The following SUGP1 variants were observed in gnomAD, a reference collection of about 807,000 sequenced individuals.
The protein encoded by SUGP1 is SURP and G-patch domain containing 1.
Under a neutral mutation model 76.5 loss-of-function variants are expected in SUGP1, and 34 were observed. The ratio of observed to expected loss-of-function variants is 0.44; its 90% CI spans 0.34 to 0.59. The LOEUF is 0.59. Ranked by LOEUF, SUGP1 falls within the 20% of genes least tolerant of loss-of-function variation. The probability of loss-of-function intolerance (pLI) is 0.01; values close to 1 mark genes in which losing one functional copy is unlikely to be tolerated. For synonymous variants in SUGP1, 326 were observed against 326.2 expected, an observed-to-expected ratio of 1.00 and a Z score of 0.01; for missense variants, 752 against 851.7, an observed-to-expected ratio of 0.88 and a Z score of 1.46.
chr19:19,310,909 T>A (rs1171724335), intron 2 of SUGP1, among the ~76,000 whole-genome samples: 1 of 152,002 alleles, frequency 6.6e-6, no homozygotes, highest in Non-Finnish European at 1.5e-5. Context: ...TCCCAAGGTG[T>A]TGGGATTACA....
intron 10 of SUGP1, 37 bp from the exon 11 acceptor site, chr19:19,278,833 G>A (rs779287588): frequency 6.3e-7 from 1 of 1,589,184 alleles, no homozygotes; most frequent in Admixed American, 1.7e-5. Flanking sequence ...AGAGGGAGAA[G>A]CAGGAAGGAG....
intron 3 of SUGP1, 71 bp from the exon 4 acceptor site, chr19:19,306,147 G>A: frequency 1.4e-6 from 2 of 1,392,482 alleles, no homozygotes; most frequent in Non-Finnish European, 1.9e-6. Context: ...ACCTAACCTA[G>A]GTGCTGTGGG....
chr19:19,292,161 T>G (rs897737195), intron 8 of SUGP1, among the ~76,000 whole-genome samples: 2 of 148,322 alleles, frequency 1.3e-5, no homozygotes, highest in Admixed American at 1.4e-4. Context: ...TAATCCCAGC[T>G]ACTCGGGAGG....
rs1439642566 is a variant in SUGP1, at chr19:19,276,176, C to T, written c.*472G>A. The T allele has an allele frequency of 2.5e-5, 4 of 159,466 alleles. No individual in the cohort carries two copies. Among genetic ancestry groups the T allele is most frequent in the African/African-American group, 7.2e-5 (3 of 41,536 alleles). 9.9% of individuals were successfully genotyped at this position (159,466 alleles called of 1,614,324 possible). A position where few individuals can be genotyped will look rare whatever the true frequency, so the allele number is the denominator to read the frequency against. ...AAGCCATTCTCCTGCCTCTGCCTCC[C>T]GAGTAGCTGAGACGACAGGTGTGCA... On this transcript the variant is annotated 3_prime_UTR_variant, in exon 14 of 14. Transcript: ENST00000247001.
intron 1 of SUGP1, among the ~76,000 whole-genome samples, chr19:19,318,049 G>A (rs1264116057): frequency 1.3e-5 from 2 of 150,620 alleles, no homozygotes; most frequent in African/African-American, 4.9e-5. Context: ...GTCCTCAAGG[G>A]AACCTCCAAT....
chr19:19,276,582 G>T lies in SUGP1; in HGVS notation c.*66C>A. The T allele has an allele frequency of 1.3e-6, 2 of 1,599,336 alleles. No individual in the cohort carries two copies. The highest frequency in any genetic ancestry group is 1.7e-6 in the Non-Finnish European group (2 of 1,167,588). ...GACAACGGAAGGGGTGGGCAGAAAT[G>T]CAGGCCGGAACATTCCACAGTCCAG... On this transcript the variant is annotated 3_prime_UTR_variant, in exon 14 of 14. Coordinates refer to ENST00000247001, the MANE Select transcript of SUGP1 (RefSeq NM_172231.4).
At chr19:19,277,500 C>T (rs951515231) in intron 12 of SUGP1, among the ~76,000 whole-genome samples, 1 of 152,192 alleles carries the variant, frequency 6.6e-6, no homozygotes, top group Non-Finnish European at 1.5e-5. Flanking sequence ...CCCACCCCAT[C>T]TGGCCTGGAG....
intron 8 of SUGP1, among the ~76,000 whole-genome samples, chr19:19,285,660 G>A (rs2061133901): frequency 6.6e-6 from 1 of 152,088 alleles, no homozygotes; most frequent in Non-Finnish European, 1.5e-5. Flanking sequence ...CAATCTCCCA[G>A]GCTCAAGTGA....
chr19:19,280,300 C>G lies in SUGP1; in HGVS notation c.1244-9G>C. ...CCCCTTGAGGTCCTGAACTGGAAAC[C>G]AAAGACACAGGGTAGTCAGAGCCTG... On this transcript the variant is annotated splice_polypyrimidine_tract_variant and intron_variant, in intron 8 of 13. Coordinates refer to ENST00000247001, the MANE Select transcript of SUGP1 (RefSeq NM_172231.4). 1 of 1,612,960 alleles carries G rather than the reference C, an allele frequency of 6.2e-7. No homozygotes were observed. Among genetic ancestry groups the G allele is most frequent in the Non-Finnish European group, 8.5e-7 (1 of 1,179,398 alleles).
intron 7 of SUGP1, among the ~76,000 whole-genome samples, chr19:19,297,826 G>A (rs1023485758): frequency 3.3e-5 from 5 of 152,186 alleles, no homozygotes; most frequent in Non-Finnish European, 7.3e-5. Flanking sequence ...TACCCCACGT[G>A]GGGGCAGGCA....
Position 19,303,838 on chromosome 19 carries a change from G to C in SUGP1, c.548C>G (p.Pro183Arg). Residue 183 changes from proline (P) to arginine (R), a missense_variant, in exon 5 of 14, where the codon CCA (proline) becomes CGA (arginine). By Grantham distance (103) the Pro-to-Arg change is moderately radical (BLOSUM62 -2). Coordinates refer to ENST00000247001, the MANE Select transcript of SUGP1 (RefSeq NM_172231.4). ...CACTTTCCGAGTCTCGGCTCCCTCT[G>C]GGGGTGAAACTTTAAGGAGGCTGTC... The part of the protein sequence containing the change: ...EQWLEIKVSP[P>R]EGAETRKVIE... 6.2e-7 allele frequency: 1 copy of C among 1,614,140 alleles called. No homozygotes were observed. The highest frequency in any genetic ancestry group is 8.5e-7 in the Non-Finnish European group (1 of 1,180,040).
chr19:19,285,603 TTG>T (rs2061133321), intron 8 of SUGP1, among the ~76,000 whole-genome samples: 1 of 152,176 alleles, frequency 6.6e-6, no homozygotes, highest in African/African-American at 2.4e-5. Context: ...TCTCACTTTT[TTG>T]TCCAGGCTGG....
At chr19:19,318,967 C>T (rs2061415487) in intron 1 of SUGP1, among the ~76,000 whole-genome samples, 1 of 152,148 alleles carries the variant, frequency 6.6e-6, no homozygotes, top group South Asian at 2.1e-4. Context: ...ACCTGTAATC[C>T]CAGCACCTGG....
intron 1 of SUGP1, 51 bp downstream of exon 1, chr19:19,320,412 C>T (rs1198408560): frequency 1.3e-6 from 2 of 1,599,578 alleles, no homozygotes; most frequent in Non-Finnish European, 1.7e-6. Context: ...AGGGGAGACA[C>T]CTAGCCCCAG....
intron 2 of SUGP1, among the ~76,000 whole-genome samples, chr19:19,310,580 T>C (rs1033403901): frequency 5.9e-5 from 9 of 152,328 alleles, no homozygotes; most frequent in African/African-American, 2.2e-4. Flanking sequence ...ATGTCTGTCC[T>C]CCTGCTAGAC....
At chr19:19,296,362 C>A (rs11666553) in intron 8 of SUGP1, among the ~76,000 whole-genome samples, 34,927 of 151,178 alleles carry the variant, frequency 0.23, 4,512 homozygotes, top group South Asian at 0.35. Flanking sequence ...TCGAAACCAG[C>A]CTGGCCAACA....
intron 8 of SUGP1, among the ~76,000 whole-genome samples, chr19:19,291,611 T>C (rs1422098947): frequency 6.6e-6 from 1 of 151,854 alleles, no homozygotes; most frequent in Non-Finnish European, 1.5e-5. Flanking sequence ...GCCAAGAGGC[T>C]GGGCACGGTG....
intron 8 of SUGP1, among the ~76,000 whole-genome samples, chr19:19,284,019 T>A (rs1411308009): frequency 6.6e-6 from 1 of 152,242 alleles, no homozygotes; most frequent in Non-Finnish European, 1.5e-5. Flanking sequence ...ACACTGATCA[T>A]CTCTGCACAA....
At chr19:19,288,808 C>T (rs779553142) in intron 8 of SUGP1, among the ~76,000 whole-genome samples, 5 of 151,608 alleles carry the variant, frequency 3.3e-5, no homozygotes, top group South Asian at 2.1e-4. Flanking sequence ...TTTTGTGAGA[C>T]GGAGTCTTGC....
Sources: allele counts gnomAD v4.1 joint callset (sites outside exome capture counted in the v4.1 genomes callset), GRCh38; gene constraint gnomAD v4.1.1; transcripts MANE v1.5; gene names NCBI Gene and HGNC (gene_info 2026-07-23, HGNC 2026-07-21).